SMCHD1: variants seen among roughly 807,000 people sequenced by gnomAD.
SMCHD1 encodes structural maintenance of chromosomes flexible hinge domain-containing protein 1.
In SMCHD1, 78 loss-of-function variants were observed where a neutral mutation model predicts 254.7. The observed-to-expected ratio is 0.31, with a 90% CI of 0.26 to 0.37. The LOEUF (loss-of-function observed/expected upper bound fraction) is 0.37, where lower values mean the gene tolerates loss of function less well. Ranked by LOEUF, SMCHD1 falls within the 10% of genes least tolerant of loss-of-function variation. SMCHD1 has a pLI of 1.00. For synonymous variants in SMCHD1, 766 were observed against 794.9 expected, an observed-to-expected ratio of 0.96 and a Z score of 0.61; for missense variants, 1,840 against 2,408.1, an observed-to-expected ratio of 0.76 and a Z score of 4.94.
At chr18:2,774,609 G>A (rs1017591810) in intron 41 of SMCHD1, among the ~76,000 whole-genome samples, 11 of 151,988 alleles carry the variant, frequency 7.2e-5, no homozygotes, top group South Asian at 6.2e-4. Flanking sequence ...ATGGGGTTTC[G>A]TGATGTTGCC....
chr18:2,739,565 T>G (rs778559718), intron 27 of SMCHD1, 45 bp downstream of exon 27: 17 of 1,487,434 alleles, frequency 1.1e-5, no homozygotes, highest in Admixed American at 1.8e-5. Flanking sequence ...AAAAATCTTC[T>G]GTGATGTTTC....
rs188364166 is a variant in SMCHD1, at chr18:2,712,651, A to G, written c.2260+4731A>G. 2.3e-4 allele frequency among the ~76,000 whole-genome samples: 35 copies of G among 152,328 alleles called. No individual in the cohort carries two copies. In the East Asian group the frequency reaches 5.0e-3, roughly 22 times the overall value. ...CCTGCATAAACCAAGGGACAACTGT[A>G]TATCTTCGTTCTGCCCATTCAAGTC... On this transcript the variant is annotated intron_variant, in intron 17 of 47. Coordinates refer to ENST00000320876, the MANE Select transcript of SMCHD1 (RefSeq NM_015295.3).
chr18:2,709,875 CTG>C (rs1248359181), intron 17 of SMCHD1, among the ~76,000 whole-genome samples: 1 of 152,196 alleles, frequency 6.6e-6, no homozygotes, highest in Non-Finnish European at 1.5e-5. Flanking sequence ...TCAATGGTGA[CTG>C]TGATGCACAA....
intron 33 of SMCHD1, among the ~76,000 whole-genome samples, chr18:2,752,087 G>T (rs1171147739): frequency 1.3e-5 from 2 of 152,070 alleles, no homozygotes; most frequent in Admixed American, 1.3e-4. Flanking sequence ...CTAAAATTGG[G>T]AACTAAAGTT....
chr18:2,801,280 G>C (rs1339707486), intron 47 of SMCHD1: 1 of 151,796 alleles, frequency 6.6e-6, no homozygotes. Context: ...AGTGATTTTA[G>C]AGAAGCCAAA....
At chr18:2,751,775 G>A (rs957245686) in intron 33 of SMCHD1, among the ~76,000 whole-genome samples, 12 of 152,102 alleles carry the variant, frequency 7.9e-5, no homozygotes, top group African/African-American at 2.9e-4. Context: ...CTAGAACAGT[G>A]CTGTCCAGTG....
intron 47 of SMCHD1, 145 bp from the exon 48 acceptor site, chr18:2,802,383 G>T: frequency 1.6e-6 from 1 of 618,318 alleles, no homozygotes; most frequent in Non-Finnish European, 2.8e-6. Flanking sequence ...TATATATAAG[G>T]ATTTAATTAA....
rs1329665154 is a variant in SMCHD1 at position 2,803,279 on chromosome 18, T to A, written c.*727T>A. 1.3e-5 allele frequency: 2 copies of A among 149,870 alleles called. No homozygotes were observed. Among genetic ancestry groups the A allele is most frequent in the Admixed American group, 1.3e-4 (2 of 14,994 alleles). The allele number at this position is 149,870 out of a possible 1,614,324, so 9.3% of individuals were successfully genotyped here. ...TTTATAACTATTGTTTGTTTGACTT[T>A]ATTAATACTAGAATATGTAGTCTCA... On this transcript the variant is annotated 3_prime_UTR_variant, in exon 48 of 48. Transcript: ENST00000320876.
intron 17 of SMCHD1, among the ~76,000 whole-genome samples, chr18:2,715,126 T>TATTC (rs2074768796): frequency 6.6e-6 from 1 of 152,186 alleles, no homozygotes; most frequent in Admixed American, 6.5e-5. Flanking sequence ...TTGAGCCTCT[T>TATTC]ATTCTTTGGA....
At chr18:2,667,589 G>C (rs1245779640) in intron 3 of SMCHD1, among the ~76,000 whole-genome samples, 1 of 152,022 alleles carries the variant, frequency 6.6e-6, no homozygotes, top group Non-Finnish European at 1.5e-5. Context: ...GTAAACTTTT[G>C]TATTAAAATT....
intron 12 of SMCHD1, chr18:2,702,420 T>G (rs1362922104): frequency 6.6e-6 from 1 of 152,224 alleles, no homozygotes; most frequent in African/African-American, 2.4e-5. Flanking sequence ...AATTGTACTT[T>G]GACTGTTACT....
intron 5 of SMCHD1, among the ~76,000 whole-genome samples, chr18:2,675,169 C>T (rs1241098665): frequency 2.6e-5 from 4 of 151,830 alleles, no homozygotes; most frequent in African/African-American, 7.3e-5. Flanking sequence ...ATGTAAAATC[C>T]TTAGGACAGA....
At chr18:2,793,058 T>C (rs775464878) in intron 45 of SMCHD1, among the ~76,000 whole-genome samples, 4 of 152,208 alleles carry the variant, frequency 2.6e-5, no homozygotes, top group Non-Finnish European at 4.4e-5. Flanking sequence ...TCAGTTTTTT[T>C]GCCAATAAGT....
chr18:2,790,297 A>G (rs1432759584), intron 45 of SMCHD1, among the ~76,000 whole-genome samples: 1 of 152,220 alleles, frequency 6.6e-6, no homozygotes, highest in East Asian at 1.9e-4. Context: ...CCCGAAGTCA[A>G]TGACAGTCCA....
chr18:2,715,701 T>A (rs1343725866), intron 17 of SMCHD1, among the ~76,000 whole-genome samples: 1 of 152,042 alleles, frequency 6.6e-6, no homozygotes, highest in Admixed American at 6.6e-5. Flanking sequence ...AATTTTTTTT[T>A]AATTTAAGAA....
chr18:2,689,994 G>A (rs531730050), intron 7 of SMCHD1, among the ~76,000 whole-genome samples: 2 of 151,940 alleles, frequency 1.3e-5, no homozygotes, highest in Admixed American at 6.6e-5. Context: ...CAATTTGGGC[G>A]ATAGAGCAAG....
chr18:2,777,780 T>C, intron 42 of SMCHD1, 26 bp from the exon 43 acceptor site: 1 of 1,295,630 alleles, frequency 7.7e-7, no homozygotes, highest in Non-Finnish European at 1.1e-6. Context: ...TGCTTTAATA[T>C]CTTTTTAAAA....
chr18:2,730,756 G>A (rs1159125249), intron 24 of SMCHD1, among the ~76,000 whole-genome samples: 1 of 152,208 alleles, frequency 6.6e-6, no homozygotes, highest in African/African-American at 2.4e-5. Flanking sequence ...AACATAGCTT[G>A]AACCTCAAAT....
At chr18:2,676,965 G>GT (rs911204271) in intron 5 of SMCHD1, among the ~76,000 whole-genome samples, 2 of 151,954 alleles carry the variant, frequency 1.3e-5, no homozygotes, top group East Asian at 3.8e-4. Context: ...ATTTTCATAA[G>GT]TTTTTTTCCT....
Sources: gnomAD v4.1 joint callset for allele counts (sites outside exome capture counted in the v4.1 genomes callset) on GRCh38, gnomAD v4.1.1 for gene constraint, MANE v1.5 for transcripts, NCBI Gene and HGNC (gene_info 2026-07-23, HGNC 2026-07-21) for gene names.